RHOT1: variants seen among roughly 807,000 people sequenced by gnomAD.
The protein encoded by RHOT1 is ras homolog family member T1, also known as mitochondrial Rho GTPase 1.
Under a neutral mutation model 95.3 loss-of-function variants are expected in RHOT1, and 27 were observed. The observed-to-expected ratio is 0.28, with a 90% confidence interval of 0.21 to 0.39. RHOT1 has a LOEUF of 0.39. RHOT1 is among the 10% of genes least tolerant of loss of function. The pLI is 1.00. For synonymous variants in RHOT1, 227 were observed against 263.5 expected, an observed-to-expected ratio of 0.86 and a Z score of 1.34; for missense variants, 578 against 786.7, an observed-to-expected ratio of 0.73 and a Z score of 3.17.
At chr17:32,201,117 A>C in intron 14 of RHOT1, 61 bp downstream of exon 14, 1 of 990,088 alleles carries the variant, frequency 1.0e-6, no homozygotes, top group Non-Finnish European at 1.5e-6. Context: ...TCCATTTTCA[A>C]ATGTAACAAA....
At chr17:32,153,128 T>C (rs2032532369) in intron 1 of RHOT1, among the ~76,000 whole-genome samples, 1 of 152,202 alleles carries the variant, frequency 6.6e-6, no homozygotes, top group Non-Finnish European at 1.5e-5. Flanking sequence ...AATTGTGGAC[T>C]AAAAGGTAGG....
At position 32,225,107 on chromosome 17, in the gene RHOT1, A is replaced by C. The variant is rs1240016171; in HGVS notation, c.*374A>C. ...CTCTTCTAGGTTTAAGTTAGCCCAG[A>C]GATTGTATTTACTCATGGATCACTT... On this transcript the variant is annotated 3_prime_UTR_variant, in exon 20 of 20. Transcript: ENST00000545287. 1.3e-5 allele frequency: 2 copies of C among 157,892 alleles called. No homozygotes were observed. The highest frequency in any genetic ancestry group is 4.8e-5 in the African/African-American group (2 of 41,540). 9.8% of individuals were successfully genotyped at this position (157,892 alleles called of 1,614,324 possible).
chr17:32,211,309 A>G (rs1007150034), intron 19 of RHOT1, 71 bp downstream of exon 19: 1 of 1,406,908 alleles, frequency 7.1e-7, no homozygotes, highest in South Asian at 1.5e-5. Flanking sequence ...ATAACTATTT[A>G]TTATACAGAT....
At chr17:32,164,271 G>A (rs898150000) in intron 1 of RHOT1, among the ~76,000 whole-genome samples, 14 of 151,706 alleles carry the variant, frequency 9.2e-5, no homozygotes, top group South Asian at 2.1e-4. Flanking sequence ...GTGTCGCTCC[G>A]TCGCCAGGCT....
At chr17:32,215,695 ATTTACT>A (rs1227040520) in intron 19 of RHOT1, among the ~76,000 whole-genome samples, 22 of 152,224 alleles carry the variant, frequency 1.4e-4, no homozygotes, top group African/African-American at 3.8e-4. Context: ...TCCTGAACTT[ATTTACT>A]AACACGATAT....
chr17:32,162,759 T>G (rs1215068594), intron 1 of RHOT1, among the ~76,000 whole-genome samples: 1 of 152,238 alleles, frequency 6.6e-6, no homozygotes, highest in Non-Finnish European at 1.5e-5. Context: ...TCATACATAT[T>G]AAGTATGTAT....
Position 32,183,149 on chromosome 17 carries a change from GTGT to G in RHOT1, c.439-21_439-19del. 2 of 1,530,994 alleles carry G rather than the reference GTGT, an allele frequency of 1.3e-6. No individual in the cohort carries two copies. The highest frequency in any genetic ancestry group is 9.0e-7 in the Non-Finnish European group (1 of 1,116,918). The allele number at this position is 1,530,994 out of a possible 1,614,324, so 94.8% of individuals were successfully genotyped here. On this transcript the variant is annotated intron_variant, in intron 7 of 19. Coordinates refer to ENST00000545287, the MANE Select transcript of RHOT1 (RefSeq NM_001033566.3). ...TTTAGCTCTCATAATTGATTTCAGA[GTGT>G]AAAATTTTATTTTTTCAGTGTTCAG...
Position 32,142,559 on chromosome 17 carries a change from A to C in RHOT1, c.-134A>C. The C allele has an allele frequency of 1.6e-5, 10 of 638,456 alleles. No homozygotes were observed. Among genetic ancestry groups the C allele is most frequent in the Admixed American group, 4.1e-5 (1 of 24,182 alleles). 39.5% of individuals were successfully genotyped at this position (638,456 alleles called of 1,614,324 possible). The stretch of plus-strand genomic sequence containing the variant: ...CGCTGTCCCGGCTCTCTTGCGGGGA[A>C]GCAACTGAGGGGGCGGCGCGGCGGG... On this transcript the variant is annotated 5_prime_UTR_variant, in exon 1 of 20. Transcript: ENST00000545287.
At chr17:32,211,259 G>A in intron 19 of RHOT1, 21 bp downstream of exon 19, 1 of 1,569,724 alleles carries the variant, frequency 6.4e-7, no homozygotes, top group Non-Finnish European at 8.7e-7. Context: ...TTATTTACTG[G>A]GTACCAGGCA....
At chr17:32,208,069 C>A (rs1555568848) in intron 17 of RHOT1, 38 bp from the exon 18 acceptor site, 1 of 1,559,198 alleles carries the variant, frequency 6.4e-7, no homozygotes, top group East Asian at 2.3e-5. Flanking sequence ...AATTTTTGAA[C>A]TTGTTATCAG....
intron 15 of RHOT1, 89 bp from the exon 16 acceptor site, chr17:32,203,801 A>G: frequency 4.5e-6 from 4 of 885,124 alleles, no homozygotes; most frequent in South Asian, 2.8e-5. Flanking sequence ...CCTTTTATTT[A>G]TAACACACCT....
chr17:32,157,549 T>C (rs768594345), intron 1 of RHOT1, among the ~76,000 whole-genome samples: 5 of 152,188 alleles, frequency 3.3e-5, no homozygotes, highest in Non-Finnish European at 7.4e-5. Flanking sequence ...CAGTAGCTCA[T>C]GCCTATAATC....
At chr17:32,217,232 A>G (rs528733164) in intron 19 of RHOT1, among the ~76,000 whole-genome samples, 4 of 152,288 alleles carry the variant, frequency 2.6e-5, no homozygotes, top group South Asian at 2.1e-4. Flanking sequence ...TTCCCAAAGT[A>G]TGTTACTATT....
chr17:32,167,120 TCTC>T (rs932729333), intron 1 of RHOT1, among the ~76,000 whole-genome samples: 5 of 152,122 alleles, frequency 3.3e-5, no homozygotes, highest in African/African-American at 7.2e-5. Flanking sequence ...ACGAAAATAA[TCTC>T]CTTGTACGTC....
intron 2 of RHOT1, 88 bp from the exon 3 acceptor site, chr17:32,173,743 G>T: frequency 2.3e-6 from 2 of 880,006 alleles, no homozygotes; most frequent in Non-Finnish European, 1.8e-6. Context: ...CACTCAACCT[G>T]TGTAGATAAA....
chr17:32,149,741 A>G (rs775074865), intron 1 of RHOT1, among the ~76,000 whole-genome samples: 3 of 150,142 alleles, frequency 2.0e-5, no homozygotes, highest in Non-Finnish European at 3.0e-5. Flanking sequence ...ATATATACAC[A>G]CACACACACA....
At chr17:32,197,796 C>T (rs1489984802) in intron 11 of RHOT1, among the ~76,000 whole-genome samples, 1 of 152,072 alleles carries the variant, frequency 6.6e-6, no homozygotes, top group African/African-American at 2.4e-5. Context: ...TGGTCTCGAA[C>T]TCCTGACCTC....
At chr17:32,196,975 T>C (rs1384049023) in intron 11 of RHOT1, among the ~76,000 whole-genome samples, 1 of 151,570 alleles carries the variant, frequency 6.6e-6, no homozygotes, top group Non-Finnish European at 1.5e-5. Flanking sequence ...TACAAAAAAT[T>C]AGCCGAGTGT....
intron 1 of RHOT1, chr17:32,151,024 G>C: frequency 6.9e-7 from 1 of 1,457,384 alleles, no homozygotes; most frequent in Admixed American, 1.9e-5. Flanking sequence ...CCTGGGAGTG[G>C]GGGAAGAGGG....
Sources: allele counts gnomAD v4.1 joint callset (sites outside exome capture counted in the v4.1 genomes callset), GRCh38; gene constraint gnomAD v4.1.1; transcripts MANE v1.5; gene names NCBI Gene and HGNC (gene_info 2026-07-23, HGNC 2026-07-21).